TMEM178B: variants seen among roughly 807,000 people sequenced by gnomAD.
TMEM178B encodes transmembrane protein 178B.
In TMEM178B, 5 loss-of-function variants were observed where a neutral mutation model predicts 31.0. The observed-to-expected ratio is 0.16, with a 90% CI of 0.08 to 0.34. TMEM178B has a LOEUF of 0.34. Among genes scored for constraint, TMEM178B ranks in the 10% least tolerant of loss-of-function variants. The pLI is 1.00. For synonymous variants in TMEM178B, 164 were observed against 164.0 expected, an observed-to-expected ratio of 1.00 and a Z score of 0.00; for missense variants, 275 against 400.3, an observed-to-expected ratio of 0.69 and a Z score of 2.67.
At chr7:141,425,910 T>A (rs1015896756) in intron 2 of TMEM178B, among the ~76,000 whole-genome samples, 1 of 151,896 alleles carries the variant, frequency 6.6e-6, no homozygotes, top group Non-Finnish European at 1.5e-5. Context: ...GAAACTACCT[T>A]CCCCCCCTAT....
At chr7:141,361,472 T>C (rs1799918398) in intron 2 of TMEM178B, among the ~76,000 whole-genome samples, 1 of 152,220 alleles carries the variant, frequency 6.6e-6, no homozygotes, top group Non-Finnish European at 1.5e-5. Context: ...TTGTTTGATG[T>C]ACACACTTTA....
At chr7:141,309,715 A>AT (rs1798875668) in intron 2 of TMEM178B, among the ~76,000 whole-genome samples, 1 of 152,178 alleles carries the variant, frequency 6.6e-6, no homozygotes, top group Non-Finnish European at 1.5e-5. Flanking sequence ...TTTCTTATAG[A>AT]TTACTTAAAA....
chr7:141,342,765 T>C (rs1271715494), intron 2 of TMEM178B, among the ~76,000 whole-genome samples: 1 of 152,212 alleles, frequency 6.6e-6, no homozygotes, highest in African/African-American at 2.4e-5. Flanking sequence ...GTCAGTGAGG[T>C]GTGAAACTCT....
At chr7:141,260,354 T>C (rs1797992090) in intron 2 of TMEM178B, among the ~76,000 whole-genome samples, 1 of 152,232 alleles carries the variant, frequency 6.6e-6, no homozygotes, top group Non-Finnish European at 1.5e-5. Flanking sequence ...CCCACTGATC[T>C]TGGATAAACG....
At chr7:141,154,748 G>C (rs1337905279) in intron 1 of TMEM178B, among the ~76,000 whole-genome samples, 2 of 127,076 alleles carry the variant, frequency 1.6e-5, no homozygotes, top group African/African-American at 6.0e-5. Flanking sequence ...TTTTTTTTTT[G>C]AGGCAGAGTC....
the TMEM178B span, among the ~76,000 whole-genome samples, chr7:141,495,362 C>A: frequency 1.3e-5 from 2 of 152,156 alleles, no homozygotes; most frequent in Non-Finnish European, 2.9e-5. Flanking sequence ...CACCCAAGGA[C>A]CCCTAAAATA....
At chr7:141,170,216 A>G (rs757091741) in intron 1 of TMEM178B, among the ~76,000 whole-genome samples, 5 of 152,120 alleles carry the variant, frequency 3.3e-5, no homozygotes, top group African/African-American at 9.7e-5. Context: ...GTATTTTCAT[A>G]TTGTTATTCA....
chr7:141,330,714 G>A (rs1397627226), intron 2 of TMEM178B, among the ~76,000 whole-genome samples: 1 of 152,318 alleles, frequency 6.6e-6, no homozygotes, highest in African/African-American at 2.4e-5. Flanking sequence ...AAGCCACTGG[G>A]AGGCTTTGCA....
the TMEM178B span, among the ~76,000 whole-genome samples, chr7:141,504,500 T>C: frequency 6.6e-6 from 1 of 152,236 alleles, no homozygotes; most frequent in African/African-American, 2.4e-5. Context: ...ACAAATTTAT[T>C]AGTTTCCTAT....
intron 3 of TMEM178B, among the ~76,000 whole-genome samples, chr7:141,452,452 T>C (rs917009063): frequency 1.3e-5 from 2 of 152,236 alleles, no homozygotes; most frequent in African/African-American, 4.8e-5. Context: ...CTGAGTCATC[T>C]TCCAGTTTTC....
At chr7:141,324,594 G>A (rs1020403664) in intron 2 of TMEM178B, among the ~76,000 whole-genome samples, 1 of 151,804 alleles carries the variant, frequency 6.6e-6, no homozygotes, top group Non-Finnish European at 1.5e-5. Context: ...CCATGCCTTT[G>A]AGCAATTTCT....
intron 2 of TMEM178B, among the ~76,000 whole-genome samples, chr7:141,397,498 T>C (rs991180129): frequency 6.6e-6 from 1 of 152,120 alleles, no homozygotes; most frequent in Non-Finnish European, 1.5e-5. Flanking sequence ...TTCTCCATAG[T>C]AGGTGACTTG....
At chr7:141,485,524 T>C in the TMEM178B span, among the ~76,000 whole-genome samples, 2 of 152,212 alleles carry the variant, frequency 1.3e-5, no homozygotes, top group East Asian at 3.8e-4. Context: ...CTTAGCATAT[T>C]AGTAGATACC....
intron 1 of TMEM178B, among the ~76,000 whole-genome samples, chr7:141,143,226 C>A (rs1429944147): frequency 6.6e-6 from 1 of 152,110 alleles, no homozygotes; most frequent in Admixed American, 6.5e-5. Context: ...TTAATTAGGT[C>A]CCACTTGTGA....
At chr7:141,257,724 C>T (rs73167490) in intron 2 of TMEM178B, among the ~76,000 whole-genome samples, 1 of 151,730 alleles carries the variant, frequency 6.6e-6, no homozygotes. Context: ...ATAGTGGGGT[C>T]TTTTTATCTT....
intron 1 of TMEM178B, among the ~76,000 whole-genome samples, chr7:141,179,492 T>C (rs1293897770): frequency 1.3e-5 from 2 of 151,898 alleles, no homozygotes; most frequent in African/African-American, 4.8e-5. Context: ...TACTGTAATA[T>C]GCAGTGTCAC....
In TMEM178B at chr7:141,428,209, C is replaced by CA. The variant is rs774874930; in HGVS notation, c.497-9390dup. Among the ~76,000 whole-genome samples the CA allele has an allele frequency of 1.3e-4, 19 of 149,918 alleles. No homozygotes were observed. In the South Asian group the frequency reaches 1.7e-3, roughly 13 times the overall value. ...AGAAACCCTGTCTCTACTAAAAATA[C>CA]AAAAAAAAATTAGCTGGGCATGGTG... On this transcript the variant is annotated intron_variant, in intron 2 of 3. Coordinates refer to ENST00000565468, the MANE Select transcript of TMEM178B (RefSeq NM_001195278.2).
At chr7:141,498,894 A>G in the TMEM178B span, among the ~76,000 whole-genome samples, 1 of 152,204 alleles carries the variant, frequency 6.6e-6, no homozygotes, top group African/African-American at 2.4e-5. Flanking sequence ...TGAAAGAGAT[A>G]AATAAGATTG....
intron 1 of TMEM178B, among the ~76,000 whole-genome samples, chr7:141,089,670 C>T (rs552137789): frequency 2.8e-4 from 43 of 152,278 alleles, no homozygotes; most frequent in African/African-American, 1.0e-3. Context: ...CCATGGAATA[C>T]TATGCAGCCA....
Sources: allele counts gnomAD v4.1 joint callset (sites outside exome capture counted in the v4.1 genomes callset), GRCh38; gene constraint gnomAD v4.1.1; transcripts MANE v1.5; gene names NCBI Gene and HGNC (gene_info 2026-07-23, HGNC 2026-07-21).